USP37: variants seen among roughly 807,000 people sequenced by gnomAD.
USP37 encodes ubiquitin specific peptidase 37, also known as ubiquitin carboxyl-terminal hydrolase 37.
Under a neutral mutation model 124.0 loss-of-function variants are expected in USP37, and 27 were observed. The observed-to-expected ratio is 0.22, with a 90% CI of 0.16 to 0.30. The LOEUF is 0.30. Ranked by LOEUF, USP37 falls within the 10% of genes least tolerant of loss-of-function variation. USP37 has a pLI of 1.00. For missense variants in USP37, 889 were observed against 1,140.4 expected (o/e 0.78, Z 3.17); for synonymous variants, 365 against 388.0 (o/e 0.94, Z 0.70).
chr2:218,541,172 T>C (rs1208365509), intron 8 of USP37, among the ~76,000 whole-genome samples: 3 of 152,154 alleles, frequency 2.0e-5, no homozygotes, highest in Admixed American at 6.5e-5. Context: ...CTCTCCAAAT[T>C]AGATTTTGTG....
At chr2:218,521,208 C>T (rs1240405442) in intron 10 of USP37, among the ~76,000 whole-genome samples, 2 of 152,134 alleles carry the variant, frequency 1.3e-5, no homozygotes, top group African/African-American at 2.4e-5. Flanking sequence ...TCAACTAAAC[C>T]TCTTTTCTTT....
At chr2:218,499,384 T>G (rs1485702277) in intron 11 of USP37, among the ~76,000 whole-genome samples, 1 of 152,202 alleles carries the variant, frequency 6.6e-6, no homozygotes, top group African/African-American at 2.4e-5. Context: ...TATACTTCTG[T>G]AATGTGCACT....
chr2:218,530,731 GAAA>G (rs1691276060), intron 9 of USP37, among the ~76,000 whole-genome samples: 1 of 152,146 alleles, frequency 6.6e-6, no homozygotes, highest in African/African-American at 2.4e-5. Context: ...CAATGCAAAG[GAAA>G]AGCTCTTGAC....
At chr2:218,472,028 C>T (rs1479788646) in intron 20 of USP37, among the ~76,000 whole-genome samples, 8 of 113,128 alleles carry the variant, frequency 7.1e-5, no homozygotes, top group Non-Finnish European at 1.1e-4. Flanking sequence ...AGACTTGGTC[C>T]GCCCCAGGAA....
intron 14 of USP37, among the ~76,000 whole-genome samples, chr2:218,494,264 AAAAT>A (rs1425413375): frequency 6.6e-6 from 1 of 152,234 alleles, no homozygotes; most frequent in African/African-American, 2.4e-5. Context: ...CAGCCTGAGA[AAAAT>A]AGATATGGAG....
chr2:218,490,222 G>A (rs957865269), intron 14 of USP37, among the ~76,000 whole-genome samples: 5 of 152,118 alleles, frequency 3.3e-5, no homozygotes, highest in African/African-American at 1.2e-4. Flanking sequence ...GTGGTGGCAG[G>A]CACCTGTAGT....
intron 10 of USP37, among the ~76,000 whole-genome samples, chr2:218,521,611 T>A (rs751855020): frequency 5.3e-5 from 8 of 152,154 alleles, no homozygotes; most frequent in Non-Finnish European, 7.3e-5. Flanking sequence ...TGTTCCTGTA[T>A]CAGTTTGCTG....
intron 16 of USP37, among the ~76,000 whole-genome samples, chr2:218,482,472 T>C (rs1691316035): frequency 6.6e-6 from 1 of 152,184 alleles, no homozygotes; most frequent in South Asian, 2.1e-4. Flanking sequence ...ATAATGTTCC[T>C]AGAAAAAACA....
At chr2:218,459,121 C>T (rs947644191) in intron 23 of USP37, among the ~76,000 whole-genome samples, 1 of 151,490 alleles carries the variant, frequency 6.6e-6, no homozygotes, top group African/African-American at 2.4e-5. Context: ...ATTAACATCA[C>T]CAATTCAATA....
At chr2:218,551,433 T>C (rs1692659928) in intron 5 of USP37, among the ~76,000 whole-genome samples, 1 of 152,244 alleles carries the variant, frequency 6.6e-6, no homozygotes, top group Admixed American at 6.5e-5. Context: ...CGAGCTCTCA[T>C]TCTTTAAGAA....
chr2:218,505,516 C>G (rs1689630723), intron 11 of USP37, among the ~76,000 whole-genome samples: 1 of 152,156 alleles, frequency 6.6e-6, no homozygotes, highest in Non-Finnish European at 1.5e-5. Flanking sequence ...TTCTTATACT[C>G]CAAACCTTTT....
chr2:218,553,824 T>G, intron 4 of USP37, 100 bp from the exon 5 acceptor site: 4 of 1,174,254 alleles, frequency 3.4e-6, no homozygotes, highest in Non-Finnish European at 4.6e-6. Context: ...CATGTTACAT[T>G]TATCACTCTT....
intron 10 of USP37, among the ~76,000 whole-genome samples, chr2:218,511,297 C>T (rs1030149303): frequency 6.6e-6 from 1 of 151,978 alleles, no homozygotes; most frequent in Non-Finnish European, 1.5e-5. Context: ...AGGTGTGTAA[C>T]ACCATGCCCA....
At chr2:218,566,345 T>C (rs900558670) in intron 1 of USP37, among the ~76,000 whole-genome samples, 15 of 152,122 alleles carry the variant, frequency 9.9e-5, no homozygotes, top group African/African-American at 3.6e-4. Context: ...GAAGATGAAG[T>C]TAGTGAAGCA....
intron 10 of USP37, among the ~76,000 whole-genome samples, chr2:218,521,804 G>A (rs1690662811): frequency 6.6e-6 from 1 of 151,926 alleles, no homozygotes; most frequent in Admixed American, 6.6e-5. Context: ...ATTGTTTCTG[G>A]GTCTTTATTT....
At position 218,495,851 on chromosome 2, in the gene USP37, T is replaced by C. The variant is rs571727196; in HGVS notation, c.1381A>G (p.Asn461Asp). 2 of 1,614,018 alleles carry C rather than the reference T, an allele frequency of 1.2e-6. No individual in the cohort carries two copies. Among genetic ancestry groups the C allele is most frequent in the Admixed American group, 3.3e-5 (2 of 60,024 alleles). ...CTGGTAGCTGAAATATCTGGTGAAT[T>C]TTCTTCTCCAGAAACAGGTTCAGTC... ...WKTEPVSGEENSPDISATRAY... is the reference protein window; with the variant it reads ...WKTEPVSGEEDSPDISATRAY... Residue 461 changes from asparagine (N) to aspartate (D), a missense_variant, in exon 14 of 26, where the codon AAT (asparagine) becomes GAT (aspartate). Asn to Asp is a conservative substitution (Grantham distance 23). Transcript: ENST00000258399.
intron 4 of USP37, among the ~76,000 whole-genome samples, chr2:218,555,906 CAA>C (rs1334376298): frequency 2.6e-5 from 4 of 152,180 alleles, no homozygotes; most frequent in African/African-American, 2.4e-5. Context: ...TCACACCTCC[CAA>C]ATCTTTAAAT....
intron 14 of USP37, among the ~76,000 whole-genome samples, chr2:218,494,974 T>G (rs1688995029): frequency 6.6e-6 from 1 of 152,096 alleles, no homozygotes; most frequent in Non-Finnish European, 1.5e-5. Flanking sequence ...GTGTTTTTTT[T>G]TCAGTGACAA....
intron 10 of USP37, among the ~76,000 whole-genome samples, chr2:218,518,398 C>T (rs585859): frequency 0.46 from 70,532 of 151,968 alleles, 19,527 homozygotes; most frequent in East Asian, 0.78. Flanking sequence ...CACTGCCGAT[C>T]TAAACTATTT....
Sources: allele counts gnomAD v4.1 joint callset (sites outside exome capture counted in the v4.1 genomes callset), GRCh38; gene constraint gnomAD v4.1.1; transcripts MANE v1.5; gene names NCBI Gene and HGNC (gene_info 2026-07-23, HGNC 2026-07-21).